SERPINB7: variants seen among roughly 807,000 people sequenced by gnomAD.
SERPINB7 encodes serpin family B member 7, also known as serpin B7.
SERPINB7 carries 31 observed loss-of-function variants against 37.4 expected under a neutral mutation model. The ratio of observed to expected loss-of-function variants is 0.83; its 90% CI spans 0.62 to 1.12. The LOEUF (loss-of-function observed/expected upper bound fraction) is 1.12, where lower values mean the gene tolerates loss of function less well. Ranked by LOEUF, SERPINB7 falls within the 50% of genes most tolerant of loss-of-function variation. SERPINB7 has a pLI of 0.00. For synonymous variants in SERPINB7, 163 were observed against 166.1 expected, an observed-to-expected ratio of 0.98 and a Z score of 0.14; for missense variants, 521 against 455.3, an observed-to-expected ratio of 1.14 and a Z score of -1.31.
At chr18:63,784,018 T>C (rs368592992) in intron 2 of SERPINB7, among the ~76,000 whole-genome samples, 1 of 152,272 alleles carries the variant, frequency 6.6e-6, no homozygotes, top group East Asian at 1.9e-4. Flanking sequence ...GTACATAGGA[T>C]ACAACACTTT....
chr18:63,758,101 C>T (rs1392379693), intron 1 of SERPINB7, among the ~76,000 whole-genome samples: 1 of 152,230 alleles, frequency 6.6e-6, no homozygotes, highest in East Asian at 1.9e-4. Context: ...CCCTCTTTCT[C>T]TCTCTAAAGT....
At chr18:63,781,679 C>T (rs1257343074) in intron 1 of SERPINB7, among the ~76,000 whole-genome samples, 2 of 152,192 alleles carry the variant, frequency 1.3e-5, no homozygotes, top group African/African-American at 4.8e-5. Flanking sequence ...CACTTTGTTA[C>T]TGCACCCTGG....
chr18:63,803,092 C>T (rs2049567329), intron 7 of SERPINB7, among the ~76,000 whole-genome samples: 1 of 152,124 alleles, frequency 6.6e-6, no homozygotes, highest in South Asian at 2.1e-4. Context: ...TATTCTTGCA[C>T]TTACTGTCTG....
At chr18:63,761,595 AG>A (rs2049154186) in intron 1 of SERPINB7, among the ~76,000 whole-genome samples, 1 of 152,230 alleles carries the variant, frequency 6.6e-6, no homozygotes, top group Non-Finnish European at 1.5e-5. Context: ...TTTATCTCCC[AG>A]AATTCCCACA....
chr18:63,756,933 A>T (rs2049125911), intron 1 of SERPINB7, among the ~76,000 whole-genome samples: 1 of 151,874 alleles, frequency 6.6e-6, no homozygotes, highest in African/African-American at 2.4e-5. Context: ...TTTCACTCAA[A>T]TTCTATACCT....
intron 2 of SERPINB7, among the ~76,000 whole-genome samples, chr18:63,791,061 T>C (rs550899348): frequency 6.6e-6 from 1 of 152,302 alleles, no homozygotes; most frequent in East Asian, 1.9e-4. Flanking sequence ...CACTGCATAT[T>C]CTCACTCTTA....
At chr18:63,758,012 T>A (rs922373434) in intron 1 of SERPINB7, among the ~76,000 whole-genome samples, 6 of 152,214 alleles carry the variant, frequency 3.9e-5, no homozygotes, top group African/African-American at 9.7e-5. Flanking sequence ...TACTTTGTGT[T>A]ACTATCACAT....
At chr18:63,767,086 C>T (rs1018233991) in intron 1 of SERPINB7, among the ~76,000 whole-genome samples, 18 of 151,966 alleles carry the variant, frequency 1.2e-4, no homozygotes, top group African/African-American at 4.4e-4. Flanking sequence ...GCTGTCATTC[C>T]AGGCCACTCT....
chr18:63,782,640 G>A, intron 2 of SERPINB7, 100 bp downstream of exon 2: 1 of 1,183,268 alleles, frequency 8.5e-7, no homozygotes. Flanking sequence ...TCATCATGAG[G>A]CACAAGGTGT....
At chr18:63,763,298 C>CT (rs2049164360) in intron 1 of SERPINB7, among the ~76,000 whole-genome samples, 1 of 152,058 alleles carries the variant, frequency 6.6e-6, no homozygotes, top group Non-Finnish European at 1.5e-5. Flanking sequence ...CTATGCTAAC[C>CT]AATGGAAACA....
intron 1 of SERPINB7, among the ~76,000 whole-genome samples, chr18:63,768,213 T>C (rs1024393123): frequency 6.6e-6 from 1 of 152,102 alleles, no homozygotes; most frequent in East Asian, 1.9e-4. Flanking sequence ...ATTTTGCTCT[T>C]GTCCTAGTTT....
chr18:63,765,590 A>T (rs1219689849), intron 1 of SERPINB7, among the ~76,000 whole-genome samples: 3 of 152,134 alleles, frequency 2.0e-5, no homozygotes, highest in Non-Finnish European at 2.9e-5. Context: ...TATAGCCTCT[A>T]CACAGTCCCT....
At chr18:63,757,076 T>C (rs1436456966) in intron 1 of SERPINB7, among the ~76,000 whole-genome samples, 1 of 152,186 alleles carries the variant, frequency 6.6e-6, no homozygotes, top group Non-Finnish European at 1.5e-5. Context: ...GTTGTTTGTT[T>C]TTTTTCTTGT....
At chr18:63,757,959 C>T (rs1184267275) in intron 1 of SERPINB7, among the ~76,000 whole-genome samples, 1 of 152,170 alleles carries the variant, frequency 6.6e-6, no homozygotes, top group Non-Finnish European at 1.5e-5. Context: ...TCAGGAGGAT[C>T]AGAAGGGTGT....
At chr18:63,763,293 C>G (rs1040656107) in intron 1 of SERPINB7, among the ~76,000 whole-genome samples, 1 of 152,126 alleles carries the variant, frequency 6.6e-6, no homozygotes, top group Admixed American at 6.5e-5. Context: ...AAATACTATG[C>G]TAACCAATGG....
intron 7 of SERPINB7, among the ~76,000 whole-genome samples, chr18:63,801,532 C>T (rs1040342031): frequency 1.3e-5 from 2 of 152,164 alleles, no homozygotes; most frequent in Non-Finnish European, 2.9e-5. Flanking sequence ...CCGACCATGC[C>T]ACATGGGAGA....
intron 1 of SERPINB7, among the ~76,000 whole-genome samples, chr18:63,754,505 G>A (rs1308128701): frequency 6.6e-6 from 1 of 152,140 alleles, no homozygotes; most frequent in Non-Finnish European, 1.5e-5. Context: ...GAGCCCTGTC[G>A]TCTAAGGGTG....
chr18:63,804,840 A>G lies in SERPINB7; in HGVS notation c.*205A>G. 1 of 543,300 alleles carries G rather than the reference A, an allele frequency of 1.8e-6. No individual in the cohort carries two copies. The highest frequency in any genetic ancestry group is 1.9e-5 in the African/African-American group (1 of 52,988). The allele number at this position is 543,300 out of a possible 1,614,324, so 33.7% of individuals were successfully genotyped here. The stretch of plus-strand genomic sequence containing the variant: ...TCCCTGCTCTTAGCATTCTACCACC[A>G]TGTGTCTCACCCATTTCTAATTTCA... On this transcript the variant is annotated 3_prime_UTR_variant, in exon 8 of 8. Transcript: ENST00000398019.
intron 2 of SERPINB7, among the ~76,000 whole-genome samples, chr18:63,784,701 A>G (rs2144617077): frequency 6.6e-6 from 1 of 152,310 alleles, no homozygotes; most frequent in South Asian, 2.1e-4. Flanking sequence ...TGTGGGCACT[A>G]GTGTCCTCAC....
Sources: allele counts gnomAD v4.1 joint callset (sites outside exome capture counted in the v4.1 genomes callset), GRCh38; gene constraint gnomAD v4.1.1; transcripts MANE v1.5; gene names NCBI Gene and HGNC (gene_info 2026-07-23, HGNC 2026-07-21).